Variants in MACF1 observed in about 807,000 individuals in gnomAD.
The protein encoded by MACF1 is microtubule-actin cross-linking factor 1.
A neutral mutation model predicts 854.8 loss-of-function variants in MACF1; 193 were observed. The observed-to-expected ratio is 0.23, with a 90% confidence interval of 0.20 to 0.25. The LOEUF is 0.25. Among genes scored for constraint, MACF1 ranks in the 10% least tolerant of loss-of-function variants. The pLI is 1.00. For synonymous variants in MACF1, 3,185 were observed against 3,226.7 expected (o/e 0.99, Z 0.44); for missense variants, 7,722 against 8,929.1 (o/e 0.86, Z 5.45).
At chr1:39,100,483 T>G (rs1301576593) in intron 2 of MACF1, among the ~76,000 whole-genome samples, 1 of 152,230 alleles carries the variant, frequency 6.6e-6, no homozygotes, top group Admixed American at 6.5e-5. Context: ...CCTTAAATAC[T>G]CTAGCCTTCC....
intron 42 of MACF1, among the ~76,000 whole-genome samples, chr1:39,349,918 A>G (rs1647141056): frequency 6.6e-6 from 1 of 152,202 alleles, no homozygotes; most frequent in Non-Finnish European, 1.5e-5. Context: ...AACAGGCTTG[A>G]GCCACCATGC....
rs532464957 is a variant in MACF1 at position 39,335,287 on chromosome 1, A to G, written c.8699A>G (p.Asn2900Ser). The change falls in exon 37 of 101, where the codon AAT becomes AGT. Residue 2900 changes from asparagine to serine, a missense_variant. Physicochemically the swap from Asn to Ser is conservative, Grantham distance 46. This residue lies in a region of MACF1 where 854 missense variants were observed against 852.6 expected (regional missense o/e 1.00). Coordinates refer to ENST00000564288, the MANE Select transcript of MACF1 (RefSeq NM_001394062.1). ...CDFKLKEVAR[N>S]NMGNDTNEEQ... is the part of the protein sequence containing the mutation. The stretch of plus-strand genomic sequence containing the variant: ...TTTAAACTTAAAGAAGTGGCTAGAA[A>G]TAACATGGGAAATGATACAAATGAA... The G allele has an allele frequency of 6.2e-7, 1 of 1,614,150 alleles. No homozygotes were observed. The highest frequency in any genetic ancestry group is 1.3e-5 in the African/African-American group (1 of 75,062).
chr1:39,476,907 C>T (rs1644895059), intron 97 of MACF1, among the ~76,000 whole-genome samples: 2 of 150,788 alleles, frequency 1.3e-5, no homozygotes, highest in Admixed American at 6.6e-5. Flanking sequence ...AAACACTGTC[C>T]TCCCCGGCTT....
chr1:39,156,473 G>A (rs1345004925), intron 2 of MACF1, among the ~76,000 whole-genome samples: 4 of 152,180 alleles, frequency 2.6e-5, no homozygotes, highest in Non-Finnish European at 5.9e-5. Flanking sequence ...ACAAAAATTA[G>A]CGAGGCATAG....
chr1:39,393,196 A>AAATATAT (rs57576149), intron 58 of MACF1, among the ~76,000 whole-genome samples: 11 of 66,576 alleles, frequency 1.7e-4, no homozygotes, highest in African/African-American at 3.4e-4. Context: ...AAAAAAAAAA[A>AAATATAT]ATATATATAT....
rs1300927013 is a variant in MACF1 at position 39,378,444 on chromosome 1, C to T, written c.13214-17C>T. The T allele has an allele frequency of 3.7e-6, 6 of 1,610,992 alleles. No homozygotes were observed. The highest frequency in any genetic ancestry group is 2.2e-5 in the East Asian group (1 of 44,880). ...ACGTTGGTCTTGCCCTGTTTGTCTC[C>T]CTGTCCTTCTGCTCAGGTTCCATAC... On this transcript the variant is annotated splice_polypyrimidine_tract_variant and intron_variant, in intron 52 of 100. Transcript: ENST00000564288.
intron 58 of MACF1, chr1:39,410,315 G>T (rs1049037098): frequency 6.2e-7 from 1 of 1,612,596 alleles, no homozygotes; most frequent in Non-Finnish European, 8.5e-7. Flanking sequence ...AACCCCAGCT[G>T]CCTGGGGAAA....
At chr1:39,407,620 G>A (rs1167152685) in intron 58 of MACF1, among the ~76,000 whole-genome samples, 1 of 152,116 alleles carries the variant, frequency 6.6e-6, no homozygotes, top group Non-Finnish European at 1.5e-5. Context: ...ACCAGAGAAA[G>A]GTCTTTTAGT....
rs1643958344 is a variant in MACF1 at position 39,435,714 on chromosome 1, C to T, written c.17941C>T (p.Arg5981Cys). 34 of 1,614,066 alleles carry T rather than the reference C, an allele frequency of 2.1e-5. No homozygotes were observed. Among genetic ancestry groups the T allele is most frequent in the Middle Eastern group, 1.7e-4 (1 of 6,058 alleles). Reference sequence around the variant, plus strand: ...GTATGCCCAAATAAAGGAGGAGGTGCGCCAGCGAGCCCTGGCTCTGGATGA... The same window carrying T: ...GTATGCCCAAATAAAGGAGGAGGTGTGCCAGCGAGCCCTGGCTCTGGATGA... ...NMYAQIKEEV[R>C]QRALALDEAV... Residue 5981 changes from arginine (R) to cysteine (C), a missense_variant, in exon 70 of 101, where the codon CGC becomes TGC. This residue lies in a region of MACF1 where 2,807 missense variants were observed against 3,235.8 expected (regional missense o/e 0.87). Transcript: ENST00000564288.
chr1:39,236,522 T>C (rs895963260), intron 2 of MACF1, among the ~76,000 whole-genome samples: 1 of 152,256 alleles, frequency 6.6e-6, no homozygotes, highest in African/African-American at 2.4e-5. Flanking sequence ...TATGTGCTTT[T>C]GTTAAAGCAT....
At position 39,335,218 on chromosome 1, in the gene MACF1, C is replaced by A. The variant is rs762278206; in HGVS notation, c.8630C>A (p.Ser2877Tyr). The A allele has an allele frequency of 3.7e-6, 6 of 1,613,956 alleles. No homozygotes were observed. Among genetic ancestry groups the A allele is most frequent in the Non-Finnish European group, 5.1e-6 (6 of 1,179,966 alleles). Residue 2877 changes from serine (S) to tyrosine (Y), a missense_variant, in exon 37 of 101, where the codon TCC (serine) becomes TAC (tyrosine). Physicochemically the swap from Ser to Tyr is moderately radical, Grantham distance 144. This residue lies in a region of MACF1 where 854 missense variants were observed against 852.6 expected (regional missense o/e 1.00). Coordinates refer to ENST00000564288, the MANE Select transcript of MACF1 (RefSeq NM_001394062.1). ...IINPHNLKGK[S>Y]LGQVSLTHPY... Reference sequence around the variant, plus strand: ...AATCCTCATAATCTTAAAGGTAAATCCTTGGGCCAAGTGTCATTGACACAC... The same window carrying A: ...AATCCTCATAATCTTAAAGGTAAATACTTGGGCCAAGTGTCATTGACACAC...
At chr1:39,108,485 C>CT (rs1294488867) in intron 2 of MACF1, among the ~76,000 whole-genome samples, 1 of 145,478 alleles carries the variant, frequency 6.9e-6, no homozygotes, top group African/African-American at 2.5e-5. Flanking sequence ...GGAGATTTGA[C>CT]AAAGGAGGTG....
chr1:39,477,071 A>ATATACACACACACATATATACACTTAGTG (rs1557674951), intron 97 of MACF1, among the ~76,000 whole-genome samples: 1 of 16,810 alleles, frequency 5.9e-5, no homozygotes, highest in Non-Finnish European at 1.0e-4. Flanking sequence ...ATATATATAT[A>ATATACACACACACATATATACACTTAGTG]TATATATATA....
chr1:39,147,299 CT>C (rs1375547985), intron 2 of MACF1, among the ~76,000 whole-genome samples: 1 of 145,736 alleles, frequency 6.9e-6, no homozygotes, highest in Non-Finnish European at 1.5e-5. Context: ...TTTCTCTTTC[CT>C]TTTCTTCCTC....
intron 6 of MACF1, among the ~76,000 whole-genome samples, chr1:39,261,758 A>G (rs1448781428): frequency 6.6e-6 from 1 of 152,136 alleles, no homozygotes; most frequent in Non-Finnish European, 1.5e-5. Flanking sequence ...AAATAAAGTT[A>G]TTTGCATACC....
At chr1:39,370,267 G>T (rs779918750) in intron 51 of MACF1, 81 bp downstream of exon 51, 1 of 1,260,496 alleles carries the variant, frequency 7.9e-7, no homozygotes. Flanking sequence ...GCTGTGGTGG[G>T]GAAATGTATG....
intron 2 of MACF1, among the ~76,000 whole-genome samples, chr1:39,111,538 C>A (rs1000501192): frequency 6.6e-6 from 1 of 151,994 alleles, no homozygotes; most frequent in African/African-American, 2.4e-5. Flanking sequence ...GCCCACCACA[C>A]ACCCGGCTAA....
At chr1:39,413,970 G>A (rs1431627658) in intron 58 of MACF1, 2 of 1,606,564 alleles carry the variant, frequency 1.2e-6, no homozygotes, top group African/African-American at 1.3e-5. Context: ...CAGCTGCAGT[G>A]TCCAACCCAG....
chr1:39,116,238 T>TA lies in MACF1; in HGVS notation c.220+31805dup, dbSNP rs1224799991. ...GTGTCTTTTAGAAAGATCAGAGGGT[T>TA]AAAAATAAGAATGCAGGTGATTAAG... On this transcript the variant is annotated intron_variant, in intron 2 of 93. Transcript: ENST00000361689. 3.3e-5 allele frequency among the ~76,000 whole-genome samples: 5 copies of TA among 152,150 alleles called. No homozygotes were observed. The East Asian group carries it at 9.6e-4, about 29-fold the overall frequency.
Sources: gnomAD v4.1 joint callset for allele counts (sites outside exome capture counted in the v4.1 genomes callset) on GRCh38, gnomAD v4.1.1 for gene constraint, gnomAD v4.1.1 regional missense constraint, MANE v1.5 for transcripts, NCBI Gene and HGNC (gene_info 2026-07-23, HGNC 2026-07-21) for gene names.